The following NT5DC1 variants were observed in gnomAD, a reference collection of about 807,000 sequenced individuals.
NT5DC1 encodes the protein 5'-nucleotidase domain-containing protein 1.
In NT5DC1, 42 loss-of-function variants were observed where a neutral mutation model predicts 59.4. That is an observed-to-expected ratio of 0.71 (90% CI 0.55 to 0.92). NT5DC1 has a LOEUF of 0.92. Ranked by LOEUF, NT5DC1 falls within the 40% of genes least tolerant of loss-of-function variation. The pLI, the probability that NT5DC1 is intolerant of heterozygous loss-of-function variation, is 0.00. For missense variants in NT5DC1, 501 were observed against 537.1 expected, an observed-to-expected ratio of 0.93 and a Z score of 0.66; for synonymous variants, 172 against 188.1, an observed-to-expected ratio of 0.91 and a Z score of 0.70.
chr6:116,143,726 G>A (rs910739756), intron 6 of NT5DC1, among the ~76,000 whole-genome samples: 10 of 152,088 alleles, frequency 6.6e-5, no homozygotes, highest in Admixed American at 1.3e-4. Flanking sequence ...TTAAAGATAA[G>A]TGATTGTTTT....
At chr6:116,171,125 G>A (rs928169687) in intron 6 of NT5DC1, among the ~76,000 whole-genome samples, 4 of 151,902 alleles carry the variant, frequency 2.6e-5, no homozygotes, top group African/African-American at 9.7e-5. Flanking sequence ...TTGATCCATA[G>A]TAGGTGTTCC....
chr6:116,129,238 A>G (rs1779404466), intron 6 of NT5DC1, among the ~76,000 whole-genome samples: 2 of 152,212 alleles, frequency 1.3e-5, no homozygotes, highest in South Asian at 2.1e-4. Context: ...ACATATGTAT[A>G]CACATGTCTA....
chr6:116,175,505 T>G (rs1171073249), intron 6 of NT5DC1, among the ~76,000 whole-genome samples: 2 of 152,226 alleles, frequency 1.3e-5, no homozygotes, highest in Non-Finnish European at 2.9e-5. Flanking sequence ...CAAATATTTC[T>G]TCTGCTCCAT....
chr6:116,125,791 G>T, intron 6 of NT5DC1: 1 of 265,572 alleles, frequency 3.8e-6, no homozygotes, highest in Non-Finnish European at 7.3e-6. Context: ...AAATAATCTA[G>T]GATCTTTGAC....
intron 6 of NT5DC1, among the ~76,000 whole-genome samples, chr6:116,129,121 G>A (rs1239589194): frequency 2.6e-5 from 4 of 152,020 alleles, no homozygotes; most frequent in African/African-American, 9.7e-5. Context: ...AAGAGAAGGA[G>A]TCTTTTTTCT....
intron 6 of NT5DC1, chr6:116,125,346 C>G: frequency 6.2e-7 from 1 of 1,613,588 alleles, no homozygotes; most frequent in Non-Finnish European, 8.5e-7. Context: ...TACCTTTACT[C>G]TTTATGGTGT....
At chr6:116,188,598 T>A (rs977867392) in intron 6 of NT5DC1, among the ~76,000 whole-genome samples, 7 of 151,974 alleles carry the variant, frequency 4.6e-5, no homozygotes, top group African/African-American at 1.4e-4. Flanking sequence ...CACTAGAGCA[T>A]AATTAGGTAG....
chr6:116,227,807 GTTAT>G (rs1202323645), intron 8 of NT5DC1, among the ~76,000 whole-genome samples: 2 of 151,944 alleles, frequency 1.3e-5, no homozygotes, highest in Non-Finnish European at 2.9e-5. Context: ...TTTTAATTGG[GTTAT>G]TTGTTTCCTT....
chr6:116,114,811 G>A (rs1424570989), intron 4 of NT5DC1, among the ~76,000 whole-genome samples: 1 of 152,094 alleles, frequency 6.6e-6, no homozygotes, highest in Non-Finnish European at 1.5e-5. Flanking sequence ...ATACCTCCTA[G>A]AGTTGTCTGT....
chr6:116,200,111 A>C (rs925536307), intron 6 of NT5DC1, among the ~76,000 whole-genome samples: 1 of 152,000 alleles, frequency 6.6e-6, no homozygotes, highest in African/African-American at 2.4e-5. Flanking sequence ...TTAATATAAC[A>C]TGAGAGTGGC....
intron 6 of NT5DC1, among the ~76,000 whole-genome samples, chr6:116,138,529 A>T (rs1178160588): frequency 1.3e-5 from 2 of 152,226 alleles, no homozygotes; most frequent in Admixed American, 6.5e-5. Flanking sequence ...AGAATTTGCT[A>T]ATTAAAAACG....
At chr6:116,111,543 A>T (rs1232429401) in intron 4 of NT5DC1, among the ~76,000 whole-genome samples, 2 of 152,200 alleles carry the variant, frequency 1.3e-5, no homozygotes, top group Non-Finnish European at 2.9e-5. Context: ...TTATAAATAG[A>T]CCTTATTAAA....
chr6:116,136,796 A>C (rs910669707), intron 6 of NT5DC1, among the ~76,000 whole-genome samples: 22 of 152,320 alleles, frequency 1.4e-4, no homozygotes, highest in Admixed American at 2.6e-4. Flanking sequence ...GGAATCTGTT[A>C]CTCAGAACAA....
chr6:116,101,990 C>T (rs1778667272), intron 1 of NT5DC1, among the ~76,000 whole-genome samples: 1 of 152,244 alleles, frequency 6.6e-6, no homozygotes, highest in Non-Finnish European at 1.5e-5. Context: ...TGTGCTGCTT[C>T]TCAGTTTCCC....
chr6:116,100,889 C>A lies in NT5DC1; in HGVS notation c.-42C>A. On this transcript the variant is annotated 5_prime_UTR_variant, in exon 1 of 12. Transcript: ENST00000319550. ...GCGTCCCGCCAGCCAGCTCCTTGCACCCTTCGCGGCCGAGGCGCTCCCTGG... is the reference window on the plus strand; with the variant it reads ...GCGTCCCGCCAGCCAGCTCCTTGCAACCTTCGCGGCCGAGGCGCTCCCTGG... The A allele has an allele frequency of 6.7e-7, 1 of 1,499,470 alleles. No individual in the cohort carries two copies. The highest frequency in any genetic ancestry group is 9.1e-7 in the Non-Finnish European group (1 of 1,098,182). The allele number at this position is 1,499,470 out of a possible 1,614,324, so 92.9% of individuals were successfully genotyped here. A position where few individuals can be genotyped will look rare whatever the true frequency, so the allele number is the denominator to read the frequency against.
At chr6:116,219,678 C>A (rs930422174) in intron 6 of NT5DC1, among the ~76,000 whole-genome samples, 1 of 151,924 alleles carries the variant, frequency 6.6e-6, no homozygotes, top group African/African-American at 2.4e-5. Context: ...TCTTCCTGGC[C>A]AGGCATGGTG....
chr6:116,241,922 CAAAAAAAAAAAAAAAACAAAACAAA>C (rs1226431920), intron 11 of NT5DC1, among the ~76,000 whole-genome samples: 1 of 10,546 alleles, frequency 9.5e-5, no homozygotes, highest in Non-Finnish European at 1.5e-4. Context: ...GACTCCGTCT[CAAAAAAAAAAAAAAAACAAAACAAA>C]AAAAAAAAAA....
At position 116,146,737 on chromosome 6, in the gene NT5DC1, G is replaced by A. The variant is rs72952000; in HGVS notation, c.529+28792G>A. On this transcript the variant is annotated intron_variant, in intron 6 of 11. Transcript: ENST00000319550. ...AGTGTCATGGTATTCAAACTGAATA[G>A]AAAGTTCAGAAATAGACCCAAAAAG... Among the ~76,000 whole-genome samples, 1,231 of 152,062 alleles carry A rather than the reference G, an allele frequency of 8.1e-3. 6 individuals are homozygous for A. The highest frequency in any genetic ancestry group is 0.017 in the Middle Eastern group (5 of 294).
chr6:116,106,133 C>T (rs989002701), intron 1 of NT5DC1, 111 bp from the exon 2 acceptor site: 3 of 724,440 alleles, frequency 4.1e-6, no homozygotes, highest in Non-Finnish European at 7.6e-6. Context: ...ACAGATATTT[C>T]CTTCCTCCTA....
Sources: gnomAD v4.1 joint callset for allele counts (sites outside exome capture counted in the v4.1 genomes callset) on GRCh38, gnomAD v4.1.1 for gene constraint, MANE v1.5 for transcripts, NCBI Gene and HGNC (gene_info 2026-07-23, HGNC 2026-07-21) for gene names.